Variants in ATP2C1 observed in about 807,000 individuals in gnomAD.
ATP2C1 encodes ATPase secretory pathway Ca2+ transporting 1, also known as calcium-transporting ATPase type 2C member 1.
Under a neutral mutation model 120.5 loss-of-function variants are expected in ATP2C1, and 31 were observed. The ratio of observed to expected loss-of-function variants is 0.26; its 90% CI spans 0.19 to 0.35. ATP2C1 has a LOEUF of 0.35. Among genes scored for constraint, ATP2C1 ranks in the 10% least tolerant of loss-of-function variants. The pLI is 1.00. For missense variants in ATP2C1, 731 were observed against 1,107.5 expected (o/e 0.66, Z 4.83); for synonymous variants, 351 against 358.7 (o/e 0.98, Z 0.24).
Position 131,002,954 on chromosome 3 carries a change from T to C in ATP2C1, c.*1604T>C, listed in dbSNP as rs1259901914. The C allele has an allele frequency of 6.1e-6, 6 of 985,722 alleles. No homozygotes were observed. Among genetic ancestry groups the C allele is most frequent in the Admixed American group, 6.1e-5 (1 of 16,268 alleles). The allele number at this position is 985,722 out of a possible 1,614,324, so 61.1% of individuals were successfully genotyped here. ...GGAAGCCATTGTCTAATCAACTCTA[T>C]CATTAGTGACTTGATGTCTCATACC... On this transcript the variant is annotated 3_prime_UTR_variant, in exon 28 of 28. Coordinates refer to ENST00000510168, the MANE Select transcript of ATP2C1 (RefSeq NM_001378687.1).
At chr3:130,956,041 G>T in intron 10 of ATP2C1, 63 bp from the exon 11 acceptor site, 1 of 1,120,964 alleles carries the variant, frequency 8.9e-7, no homozygotes, top group South Asian at 1.2e-5. Context: ...GCAAGCCCCT[G>T]GCACTTGATA....
At chr3:131,008,470 G>T (rs1463998202) in intron 26 of ATP2C1, among the ~76,000 whole-genome samples, 1 of 151,162 alleles carries the variant, frequency 6.6e-6, no homozygotes, top group African/African-American at 2.4e-5. Context: ...TGCCATGCTG[G>T]TCAAATTCTC....
intron 2 of ATP2C1, among the ~76,000 whole-genome samples, chr3:130,906,644 A>G (rs2058134630): frequency 6.7e-6 from 1 of 149,532 alleles, no homozygotes; most frequent in African/African-American, 2.5e-5. Flanking sequence ...TCTTTTAATT[A>G]ATTTCTCCAC....
In ATP2C1 at chr3:130,979,387, C is replaced by T; in HGVS notation, c.1709C>T (p.Thr570Ile). Residue 570 changes from threonine to isoleucine, a missense_variant, in exon 19 of 28, where the codon ACT (threonine) becomes ATT (isoleucine). Physicochemically the swap from Thr to Ile is moderately conservative, Grantham distance 89. Coordinates refer to ENST00000510168, the MANE Select transcript of ATP2C1 (RefSeq NM_001378687.1). The part of the protein sequence containing the change: ...IASGVSIKMI[T>I]GDSQETAVAI... ...TCAGGAGTATCAATAAAAATGATTACTGGAGATTCACAGGAGACTGCAGTT... is the reference window on the plus strand; with the variant it reads ...TCAGGAGTATCAATAAAAATGATTATTGGAGATTCACAGGAGACTGCAGTT... 1.2e-6 allele frequency: 2 copies of T among 1,613,574 alleles called. No homozygotes were observed. Among genetic ancestry groups the T allele is most frequent in the Non-Finnish European group, 1.7e-6 (2 of 1,179,682 alleles).
At chr3:130,946,313 C>T (rs146445194) in intron 8 of ATP2C1, among the ~76,000 whole-genome samples, 3 of 152,314 alleles carry the variant, frequency 2.0e-5, no homozygotes, top group East Asian at 3.9e-4. Context: ...ATTTTTTAAT[C>T]TCATGAATCC....
chr3:130,966,813 C>A (rs2108653890), intron 14 of ATP2C1, among the ~76,000 whole-genome samples: 1 of 152,232 alleles, frequency 6.6e-6, no homozygotes. Flanking sequence ...CATTTGAGTT[C>A]TTTGCAAACT....
intron 27 of ATP2C1, among the ~76,000 whole-genome samples, chr3:131,000,731 A>G (rs1331080907): frequency 1.3e-5 from 2 of 152,186 alleles, no homozygotes; most frequent in Non-Finnish European, 2.9e-5. Flanking sequence ...AAGTCACTTA[A>G]TATCTTTTTT....
intron 2 of ATP2C1, 61 bp from the exon 3 acceptor site, chr3:130,930,355 C>A: frequency 9.4e-7 from 1 of 1,064,544 alleles, no homozygotes; most frequent in Non-Finnish European, 1.5e-6. Context: ...TTTTATTATT[C>A]TAGACTGCAT....
At chr3:131,016,065 G>A in intron 26 of ATP2C1, 1 of 1,428,230 alleles carries the variant, frequency 7.0e-7, no homozygotes, top group Non-Finnish European at 9.5e-7. Context: ...AAGTAACTTT[G>A]TTGCTTTAAA....
chr3:130,887,658 T>A (rs1395285804), intron 1 of ATP2C1, among the ~76,000 whole-genome samples: 1 of 152,078 alleles, frequency 6.6e-6, no homozygotes, highest in Non-Finnish European at 1.5e-5. Context: ...GGTATTCACT[T>A]AAAGTTCAAA....
intron 14 of ATP2C1, among the ~76,000 whole-genome samples, chr3:130,966,172 A>G (rs1220195490): frequency 2.0e-5 from 3 of 152,120 alleles, no homozygotes; most frequent in Non-Finnish European, 4.4e-5. Context: ...ATTTACGTCC[A>G]TTTTACATAG....
intron 13 of ATP2C1, 75 bp downstream of exon 13, chr3:130,964,170 A>G (rs1221486263): frequency 5.0e-6 from 8 of 1,587,596 alleles, no homozygotes; most frequent in Non-Finnish European, 6.9e-6. Flanking sequence ...TCAGAGTTTT[A>G]CAGTTTTTAT....
chr3:131,007,324 C>T (rs1329719151), downstream of ATP2C1, among the ~76,000 whole-genome samples: 5 of 152,222 alleles, frequency 3.3e-5, no homozygotes, highest in Non-Finnish European at 5.9e-5. Flanking sequence ...CTATTCCTAT[C>T]CTGTTTTACG....
chr3:130,994,250 T>G, intron 22 of ATP2C1, 152 bp downstream of exon 22: 1 of 908,472 alleles, frequency 1.1e-6, no homozygotes. Flanking sequence ...TTTTATGGTA[T>G]GAAGAAGATG....
chr3:130,960,834 A>G (rs953744019), intron 12 of ATP2C1, among the ~76,000 whole-genome samples: 3 of 152,154 alleles, frequency 2.0e-5, no homozygotes, highest in Non-Finnish European at 4.4e-5. Context: ...ACCCATCCTT[A>G]TATGAATTCC....
At chr3:130,955,522 G>T (rs1207526795) in intron 10 of ATP2C1, among the ~76,000 whole-genome samples, 1 of 152,114 alleles carries the variant, frequency 6.6e-6, no homozygotes, top group Non-Finnish European at 1.5e-5. Flanking sequence ...TATTAAAGAT[G>T]AGTTCATTTT....
chr3:130,919,510 C>T (rs1576713888), intron 2 of ATP2C1, among the ~76,000 whole-genome samples: 1 of 152,174 alleles, frequency 6.6e-6, no homozygotes, highest in South Asian at 2.1e-4. Flanking sequence ...TGAGCTACCA[C>T]GCCCGGCCTA....
chr3:130,926,994 A>T (rs545274635), intron 2 of ATP2C1, among the ~76,000 whole-genome samples: 2 of 152,202 alleles, frequency 1.3e-5, no homozygotes, highest in Admixed American at 6.5e-5. Flanking sequence ...CCACCTCTTC[A>T]GTCTGTAGCA....
chr3:130,884,328 G>A (rs758531605), intron 1 of ATP2C1, among the ~76,000 whole-genome samples: 19 of 152,144 alleles, frequency 1.2e-4, no homozygotes, highest in African/African-American at 4.6e-4. Context: ...AAAATTCCTC[G>A]TTATTAATTT....
Sources: gnomAD v4.1 joint callset for allele counts (sites outside exome capture counted in the v4.1 genomes callset) on GRCh38, gnomAD v4.1.1 for gene constraint, MANE v1.5 for transcripts, NCBI Gene and HGNC (gene_info 2026-07-23, HGNC 2026-07-21) for gene names.